HM13: variants seen among roughly 807,000 people sequenced by gnomAD.
The protein encoded by HM13 is histocompatibility minor 13, also known as signal peptide peptidase.
In HM13, 18 loss-of-function variants were observed where a neutral mutation model predicts 50.0. The observed-to-expected ratio is 0.36, with a 90% CI of 0.25 to 0.53. The LOEUF (loss-of-function observed/expected upper bound fraction) is 0.53, where lower values mean the gene tolerates loss of function less well. HM13 is among the 20% of genes least tolerant of loss of function. The pLI, the probability that HM13 is intolerant of heterozygous loss-of-function variation, is 0.90. For missense variants in HM13, 393 were observed against 552.4 expected (o/e 0.71, Z 2.89); for synonymous variants, 197 against 232.6 (o/e 0.85, Z 1.39).
chr20:31,544,906 T>C (rs1250341111), intron 3 of HM13, 41 bp from the exon 4 acceptor site: 2 of 1,557,304 alleles, frequency 1.3e-6, no homozygotes, highest in Non-Finnish European at 8.9e-7. Flanking sequence ...TGACTGCCCA[T>C]GGGGGCTCTG....
intron 2 of HM13, among the ~76,000 whole-genome samples, chr20:31,533,608 G>A (rs1055506916): frequency 6.6e-6 from 1 of 152,228 alleles, no homozygotes; most frequent in African/African-American, 2.4e-5. Context: ...AGTGTGATAA[G>A]GCTGGTCCCT....
At chr20:31,547,408 C>T in intron 4 of HM13, 1 of 447,846 alleles carries the variant, frequency 2.2e-6, no homozygotes, top group South Asian at 2.9e-5. Flanking sequence ...GTCTGGCAGG[C>T]CGCGTGGCGC....
At chr20:31,554,332 C>T (rs1395207440) in intron 7 of HM13, among the ~76,000 whole-genome samples, 2 of 149,186 alleles carry the variant, frequency 1.3e-5, no homozygotes, top group African/African-American at 5.0e-5. Flanking sequence ...ACTGCACTCC[C>T]GATTACAGTC....
intron 9 of HM13, among the ~76,000 whole-genome samples, chr20:31,560,048 G>GTCA (rs773956386): frequency 1.8e-4 from 28 of 152,190 alleles, no homozygotes; most frequent in Non-Finnish European, 3.2e-4. Flanking sequence ...CCTGGTTGCA[G>GTCA]TCATCATCAT....
At chr20:31,529,391 G>A (rs1279117058) in intron 2 of HM13, among the ~76,000 whole-genome samples, 1 of 151,372 alleles carries the variant, frequency 6.6e-6, no homozygotes, top group Non-Finnish European at 1.5e-5. Flanking sequence ...ACTACAAGGC[G>A]TGCACCACCA....
chr20:31,522,291 G>C (rs1435372655), intron 1 of HM13, among the ~76,000 whole-genome samples: 1 of 152,096 alleles, frequency 6.6e-6, no homozygotes, highest in Non-Finnish European at 1.5e-5. Context: ...AGCCGGGCAT[G>C]GTGGCTCACA....
At chr20:31,554,454 G>A (rs1984195053) in intron 7 of HM13, 2 of 278,970 alleles carry the variant, frequency 7.2e-6, no homozygotes, top group South Asian at 4.1e-5. Context: ...AGGTCGAGGC[G>A]GGAGGATCAC....
chr20:31,531,421 A>C (rs1371804128), intron 2 of HM13, among the ~76,000 whole-genome samples: 1 of 134,106 alleles, frequency 7.5e-6, no homozygotes. Context: ...TTTAGAGATG[A>C]GGTCTTGCTC....
intron 2 of HM13, among the ~76,000 whole-genome samples, chr20:31,528,904 C>T (rs1402850989): frequency 6.6e-6 from 1 of 152,238 alleles, no homozygotes; most frequent in Admixed American, 6.5e-5. Flanking sequence ...GCCACTGCAT[C>T]CATCCCTTTC....
At chr20:31,539,208 T>A in intron 3 of HM13, 1 of 985,490 alleles carries the variant, frequency 1.0e-6, no homozygotes, top group Non-Finnish European at 1.2e-6. Context: ...TACAAACAGT[T>A]GGCAACCTTG....
At chr20:31,521,697 C>A (rs2122542155) in intron 1 of HM13, among the ~76,000 whole-genome samples, 1 of 145,274 alleles carries the variant, frequency 6.9e-6, no homozygotes, top group Admixed American at 6.9e-5. Context: ...CCACTGCATT[C>A]CAGCCTGGGC....
chr20:31,544,085 ATTG>A, intron 3 of HM13, among the ~76,000 whole-genome samples: 1 of 152,242 alleles, frequency 6.6e-6, no homozygotes, highest in East Asian at 1.9e-4. Context: ...GACAGATGGT[ATTG>A]TTAGCCCTGT....
intron 7 of HM13, among the ~76,000 whole-genome samples, chr20:31,553,430 C>T (rs1001245101): frequency 1.3e-5 from 2 of 152,086 alleles, no homozygotes; most frequent in Non-Finnish European, 2.9e-5. Flanking sequence ...AACACAAAAC[C>T]AGGACTGGAT....
chr20:31,545,112 G>C, intron 4 of HM13, 77 bp downstream of exon 4: 2 of 1,169,608 alleles, frequency 1.7e-6, no homozygotes, highest in Admixed American at 3.5e-5. Flanking sequence ...TCCAATATTG[G>C]GGTTCTCCAA....
At chr20:31,542,596 CAGGGT>C (rs1446764350) in intron 3 of HM13, among the ~76,000 whole-genome samples, 1 of 152,178 alleles carries the variant, frequency 6.6e-6, no homozygotes, top group Non-Finnish European at 1.5e-5. Context: ...ATCTTCACCC[CAGGGT>C]AGGGTGAAGA....
intron 3 of HM13, chr20:31,541,624 T>C (rs1162411577): frequency 6.6e-6 from 1 of 152,166 alleles, no homozygotes; most frequent in African/African-American, 2.4e-5. Flanking sequence ...ATTGTAAAAT[T>C]AACATGAAAA....
chr20:31,516,995 C>G (rs1981824081), intron 1 of HM13, among the ~76,000 whole-genome samples: 1 of 152,188 alleles, frequency 6.6e-6, no homozygotes, highest in African/African-American at 2.4e-5. Context: ...TCAGGTATGC[C>G]TAGTCCTCAT....
chr20:31,564,122 A>T (rs1163855840), intron 10 of HM13: 1 of 151,914 alleles, frequency 6.6e-6, no homozygotes, highest in Non-Finnish European at 1.5e-5. Flanking sequence ...TCTCCAGGAC[A>T]ATCTCTTCAC....
chr20:31,547,510 A>G, intron 4 of HM13: 2 of 731,932 alleles, frequency 2.7e-6, no homozygotes, highest in Non-Finnish European at 4.7e-6. Context: ...GATCATGTTC[A>G]AGAAGTTTGA....
Sources: gnomAD v4.1 joint callset for allele counts (sites outside exome capture counted in the v4.1 genomes callset) on GRCh38, gnomAD v4.1.1 for gene constraint, MANE v1.5 for transcripts, NCBI Gene and HGNC (gene_info 2026-07-23, HGNC 2026-07-21) for gene names.